Variants in NRG3 observed in about 807,000 individuals in gnomAD.
NRG3 encodes the protein neuregulin 3, also known as pro-neuregulin-3, membrane-bound isoform.
NRG3 carries 31 observed loss-of-function variants against 66.9 expected under a neutral mutation model. The observed-to-expected ratio is 0.46, with a 90% CI of 0.35 to 0.63. NRG3 has a LOEUF of 0.63. Ranked by LOEUF, NRG3 falls within the 20% of genes least tolerant of loss-of-function variation. The pLI is 0.00. For synonymous variants in NRG3, 393 were observed against 359.4 expected, an observed-to-expected ratio of 1.09 and a Z score of -1.06; for missense variants, 910 against 878.9, an observed-to-expected ratio of 1.04 and a Z score of -0.45.
At chr10:82,849,049 C>G (rs908288641) in intron 3 of NRG3, among the ~76,000 whole-genome samples, 3 of 152,032 alleles carry the variant, frequency 2.0e-5, no homozygotes, top group African/African-American at 7.3e-5. Flanking sequence ...CTCCAATTAC[C>G]TTATTTGGAG....
At chr10:82,103,137 C>T (rs2066863803) in intron 1 of NRG3, among the ~76,000 whole-genome samples, 2 of 152,064 alleles carry the variant, frequency 1.3e-5, no homozygotes, top group Admixed American at 1.3e-4. Flanking sequence ...GTCTTTTCTT[C>T]AGCACTTTAA....
At chr10:82,897,202 T>C (rs74146158) in intron 4 of NRG3, among the ~76,000 whole-genome samples, 2,180 of 152,316 alleles carry the variant, frequency 0.014, 58 homozygotes, top group African/African-American at 0.05. Flanking sequence ...GTTCTCAATA[T>C]TTACTGCAGA....
intron 3 of NRG3, among the ~76,000 whole-genome samples, chr10:82,740,486 C>T (rs2058369808): frequency 1.3e-5 from 2 of 152,082 alleles, no homozygotes; most frequent in Non-Finnish European, 2.9e-5. Flanking sequence ...CCCACGGTTA[C>T]AGTCACTATC....
intron 3 of NRG3, 96 bp from the exon 4 acceptor site, chr10:82,865,315 G>A (rs1011303296): frequency 8.0e-7 from 1 of 1,256,336 alleles, no homozygotes; most frequent in Admixed American, 1.8e-5. Flanking sequence ...TGCCTTGGAG[G>A]GTTAGTCTTA....
chr10:82,376,622 A>G (rs1220884581), intron 2 of NRG3, among the ~76,000 whole-genome samples: 1 of 152,144 alleles, frequency 6.6e-6, no homozygotes, highest in Non-Finnish European at 1.5e-5. Flanking sequence ...CTGCTCCCCA[A>G]GCACCAATGC....
At chr10:82,570,752 T>A (rs2045680049) in intron 2 of NRG3, among the ~76,000 whole-genome samples, 1 of 151,660 alleles carries the variant, frequency 6.6e-6, no homozygotes. Context: ...ATATAGGGCT[T>A]GACAGAAGAA....
At chr10:82,282,949 A>G (rs1027470728) in intron 1 of NRG3, among the ~76,000 whole-genome samples, 1 of 152,044 alleles carries the variant, frequency 6.6e-6, no homozygotes, top group African/African-American at 2.4e-5. Context: ...GTGTTTACTA[A>G]CAGTGTTGCC....
chr10:82,436,706 C>T (rs1371900090), intron 2 of NRG3, among the ~76,000 whole-genome samples: 1 of 152,128 alleles, frequency 6.6e-6, no homozygotes, highest in African/African-American at 2.4e-5. Context: ...GTGCTTCTTT[C>T]AGGAACCCCT....
intron 2 of NRG3, among the ~76,000 whole-genome samples, chr10:82,506,527 C>T (rs1374772643): frequency 6.6e-6 from 1 of 151,944 alleles, no homozygotes; most frequent in African/African-American, 2.4e-5. Flanking sequence ...TTTCTTCTTC[C>T]TTCCCTCTCT....
chr10:82,918,508 C>G (rs1284859374), intron 4 of NRG3, among the ~76,000 whole-genome samples: 1 of 152,172 alleles, frequency 6.6e-6, no homozygotes, highest in African/African-American at 2.4e-5. Flanking sequence ...AGTAAGTTAT[C>G]TTCTCTTTTA....
intron 1 of NRG3, among the ~76,000 whole-genome samples, chr10:82,026,395 G>A (rs533663537): frequency 6.6e-6 from 1 of 152,128 alleles, no homozygotes; most frequent in African/African-American, 2.4e-5. Context: ...CACAAAGGAT[G>A]CATTATAAAA....
chr10:82,751,537 C>A (rs1273552533), intron 3 of NRG3, among the ~76,000 whole-genome samples: 3 of 152,142 alleles, frequency 2.0e-5, no homozygotes, highest in African/African-American at 7.2e-5. Flanking sequence ...AAAAACACAT[C>A]CCTATAGTGT....
chr10:82,335,538 T>C (rs764500340), intron 1 of NRG3, among the ~76,000 whole-genome samples: 4 of 152,052 alleles, frequency 2.6e-5, no homozygotes, highest in Non-Finnish European at 2.9e-5. Flanking sequence ...TCAGCACTTT[T>C]GGAGGCTATG....
At chr10:82,625,006 A>C (rs2049318767) in intron 2 of NRG3, among the ~76,000 whole-genome samples, 1 of 151,000 alleles carries the variant, frequency 6.6e-6, no homozygotes. Context: ...CAGTGAGCCT[A>C]AAGGACGTTA....
intron 1 of NRG3, among the ~76,000 whole-genome samples, chr10:81,924,951 A>T (rs1017717638): frequency 1.1e-4 from 17 of 152,136 alleles, no homozygotes; most frequent in African/African-American, 3.4e-4. Flanking sequence ...AAAAGGCCTA[A>T]AGAAGGGGAA....
In NRG3 at chr10:82,137,778, G is replaced by A. The variant is rs118103028; in HGVS notation, c.824-220961G>A. Among the ~76,000 whole-genome samples, 1,307 of 152,298 alleles carry A rather than the reference G, an allele frequency of 8.6e-3. 14 individuals are homozygous for A. Among genetic ancestry groups the A allele is most frequent in the South Asian group, 0.016 (78 of 4,830 alleles). On this transcript the variant is annotated intron_variant, in intron 1 of 8. Transcript: ENST00000372141. Reference sequence around the variant, plus strand: ...GCCTGAGGCTCTGCTGAGCACTGTAGACACAGGCAGAGTCATATACTACAG... The same window carrying A: ...GCCTGAGGCTCTGCTGAGCACTGTAAACACAGGCAGAGTCATATACTACAG...
chr10:82,355,649 C>T (rs959473608), intron 1 of NRG3, among the ~76,000 whole-genome samples: 4 of 152,192 alleles, frequency 2.6e-5, no homozygotes, highest in South Asian at 2.1e-4. Flanking sequence ...GTAGCAACCT[C>T]GTGAGTTTAT....
At chr10:82,394,303 G>A (rs572484285) in intron 2 of NRG3, among the ~76,000 whole-genome samples, 5 of 152,310 alleles carry the variant, frequency 3.3e-5, no homozygotes, top group South Asian at 4.1e-4. Flanking sequence ...GCGGGCACCC[G>A]CGAGGCTTGA....
At chr10:82,173,750 G>C (rs1286290772) in intron 1 of NRG3, among the ~76,000 whole-genome samples, 1 of 151,042 alleles carries the variant, frequency 6.6e-6, no homozygotes, top group East Asian at 1.9e-4. Flanking sequence ...AGAACACAAA[G>C]ATCAACACTT....
Sources: gnomAD v4.1 joint callset for allele counts (sites outside exome capture counted in the v4.1 genomes callset) on GRCh38, gnomAD v4.1.1 for gene constraint, MANE v1.5 for transcripts, NCBI Gene and HGNC (gene_info 2026-07-23, HGNC 2026-07-21) for gene names.